SSH2: variants seen among roughly 807,000 people sequenced by gnomAD.
The protein encoded by SSH2 is protein phosphatase Slingshot homolog 2.
SSH2 carries 37 observed loss-of-function variants against 135.2 expected under a neutral mutation model. The observed-to-expected ratio is 0.27, with a 90% CI of 0.21 to 0.36. SSH2 has a LOEUF of 0.36. Ranked by LOEUF, SSH2 falls within the 10% of genes least tolerant of loss-of-function variation. SSH2 has a pLI of 1.00. For missense variants in SSH2, 1,408 were observed against 1,765.3 expected (o/e 0.80, Z 3.63); for synonymous variants, 628 against 646.2 (o/e 0.97, Z 0.43).
rs185441466 is a variant in SSH2, at chr17:29,703,056, G to A, written c.195C>T (p.Ser65=). The change falls in exon 4 of 16, where the codon AGC becomes AGT. Residue 65 remains serine (S), a synonymous_variant. Transcript: ENST00000540801. The part of the protein sequence containing the change: ...EECRSQPRSI[S]ESFLTVKGAA... ...CACCTTTGACAGTTAGAAAGCTCTCGCTGATGCTACAAGGAAAAAGTCAAA... is the reference window on the plus strand; with the variant it reads ...CACCTTTGACAGTTAGAAAGCTCTCACTGATGCTACAAGGAAAAAGTCAAA... The A allele has an allele frequency of 1.4e-4, 227 of 1,610,440 alleles. No homozygotes were observed. Among genetic ancestry groups the A allele is most frequent in the Middle Eastern group, 8.3e-4 (5 of 6,050 alleles).
chr17:29,677,759 G>A lies in SSH2; in HGVS notation c.480-18C>T. The A allele has an allele frequency of 1.9e-6, 3 of 1,605,650 alleles. No individual in the cohort carries two copies. The highest frequency in any genetic ancestry group is 2.2e-5 in the South Asian group (2 of 90,896). Reference sequence around the variant, plus strand: ...AAGTGCTACTGCAAGACAAGAAGTAGTCCAATAGTTACTCCCCATTACTCT... The same window carrying A: ...AAGTGCTACTGCAAGACAAGAAGTAATCCAATAGTTACTCCCCATTACTCT... On this transcript the variant is annotated intron_variant, in intron 6 of 15. Coordinates refer to ENST00000540801, the MANE Select transcript of SSH2 (RefSeq NM_001282129.2).
At chr17:29,880,912 T>C (rs1383734732) in intron 1 of SSH2, among the ~76,000 whole-genome samples, 1 of 152,186 alleles carries the variant, frequency 6.6e-6, no homozygotes, top group Non-Finnish European at 1.5e-5. Context: ...CCTGGCTCAG[T>C]TCAGGAGTCT....
At chr17:29,919,185 T>G (rs559852770) in intron 1 of SSH2, among the ~76,000 whole-genome samples, 1 of 152,150 alleles carries the variant, frequency 6.6e-6, no homozygotes, top group East Asian at 1.9e-4. Context: ...TTCCCAGCAG[T>G]GGTATAAATG....
intron 14 of SSH2, among the ~76,000 whole-genome samples, chr17:29,646,047 C>T (rs73280624): frequency 5.8e-4 from 88 of 152,192 alleles, no homozygotes; most frequent in Admixed American, 2.6e-3. Context: ...TGCTTCTAGA[C>T]AGCTGTGCCT....
intron 9 of SSH2, 133 bp from the exon 10 acceptor site, chr17:29,667,356 C>T: frequency 1.4e-6 from 1 of 694,446 alleles, no homozygotes; most frequent in Non-Finnish European, 2.4e-6. Context: ...TTCTAGAGAT[C>T]AACAACTTAG....
chr17:29,772,015 A>ATTTTTT (rs1217128399), intron 3 of SSH2, among the ~76,000 whole-genome samples: 9 of 152,196 alleles, frequency 5.9e-5, no homozygotes, highest in Non-Finnish European at 8.8e-5. Context: ...AAAACCAACA[A>ATTTTTT]GTATGCAAAA....
Position 29,908,182 on chromosome 17 carries a change from G to A in SSH2, c.63+21756C>T, listed in dbSNP as rs369044363. On this transcript the variant is annotated intron_variant, in intron 1 of 15. Coordinates refer to ENST00000540801, the MANE Select transcript of SSH2 (RefSeq NM_001282129.2). ...TTCACTAAACATTTCCCCAAGGCCA[G>A]GTAATCCATCTGTAATGATAGCACT... Among the ~76,000 whole-genome samples the A allele has an allele frequency of 3.3e-5, 5 of 152,036 alleles. No homozygotes were observed. In the East Asian group the frequency reaches 5.8e-4, roughly 18 times the overall value.
intron 11 of SSH2, among the ~76,000 whole-genome samples, chr17:29,660,076 C>T (rs981875744): frequency 1.3e-5 from 2 of 152,008 alleles, no homozygotes; most frequent in African/African-American, 4.8e-5. Context: ...GATCTGCCTG[C>T]CTTGGCCTCC....
intron 3 of SSH2, among the ~76,000 whole-genome samples, chr17:29,779,147 G>C (rs2041782278): frequency 6.6e-6 from 1 of 152,024 alleles, no homozygotes; most frequent in Non-Finnish European, 1.5e-5. Flanking sequence ...AGGAAGGCTG[G>C]CCAAATTTAA....
intron 3 of SSH2, among the ~76,000 whole-genome samples, chr17:29,743,095 C>T (rs1204274255): frequency 6.6e-6 from 1 of 152,028 alleles, no homozygotes; most frequent in Non-Finnish European, 1.5e-5. Context: ...CCACGCTGAA[C>T]TAATTTTTGT....
chr17:29,645,693 C>T (rs926130527), intron 14 of SSH2: 1 of 152,174 alleles, frequency 6.6e-6, no homozygotes, highest in Non-Finnish European at 1.5e-5. Context: ...ACTGCTACAT[C>T]CTACCTTCTG....
At chr17:29,878,761 G>A (rs921489767) in intron 1 of SSH2, among the ~76,000 whole-genome samples, 4 of 152,090 alleles carry the variant, frequency 2.6e-5, no homozygotes, top group African/African-American at 9.7e-5. Flanking sequence ...ATCCAGCTGT[G>A]CCCTACTAAA....
intron 1 of SSH2, among the ~76,000 whole-genome samples, chr17:29,889,136 A>C (rs1229487767): frequency 1.3e-5 from 2 of 152,056 alleles, no homozygotes; most frequent in Non-Finnish European, 2.9e-5. Context: ...GCCTAAATGT[A>C]AGAGAAAAAT....
At chr17:29,729,595 T>C (rs562234729) in intron 3 of SSH2, among the ~76,000 whole-genome samples, 1 of 152,310 alleles carries the variant, frequency 6.6e-6, no homozygotes, top group Non-Finnish European at 1.5e-5. Context: ...TCCATGTTCT[T>C]TGCAGCTCTA....
chr17:29,771,205 A>G (rs2041579024), intron 3 of SSH2, among the ~76,000 whole-genome samples: 1 of 152,230 alleles, frequency 6.6e-6, no homozygotes, highest in Admixed American at 6.5e-5. Flanking sequence ...TTTGTGGCAC[A>G]TAATGCATAT....
At chr17:29,738,715 G>A (rs984013342) in intron 3 of SSH2, among the ~76,000 whole-genome samples, 6 of 151,814 alleles carry the variant, frequency 4.0e-5, no homozygotes, top group Admixed American at 1.3e-4. Flanking sequence ...CACCATGCCC[G>A]GCTAATTTTT....
intron 1 of SSH2, among the ~76,000 whole-genome samples, chr17:29,898,204 T>A (rs1367389027): frequency 2.0e-5 from 3 of 151,596 alleles, no homozygotes; most frequent in Non-Finnish European, 4.4e-5. Context: ...CACCCTAACA[T>A]CACAATTAAA....
rs773812846 is a variant in SSH2 at position 29,707,528 on chromosome 17, A to ATT, written c.189-4468_189-4467dup. On this transcript the variant is annotated intron_variant, in intron 3 of 15. Transcript: ENST00000540801. ...GTACAAGGTAGGCCAACAGACTACT[A>ATT]TTTTTTTTTTTTTTTGAGATGGAGT... Among the ~76,000 whole-genome samples the ATT allele has an allele frequency of 8.3e-5, 12 of 144,050 alleles. No individual in the cohort carries two copies. In the East Asian group the frequency reaches 1.8e-3, roughly 22 times the overall value. 94.5% of individuals were successfully genotyped at this position (144,050 alleles called of 152,430 possible). A position where few individuals can be genotyped will look rare whatever the true frequency, so the allele number is the denominator to read the frequency against.
intron 11 of SSH2, among the ~76,000 whole-genome samples, chr17:29,664,856 A>C (rs2037206571): frequency 6.6e-6 from 1 of 152,142 alleles, no homozygotes; most frequent in African/African-American, 2.4e-5. Flanking sequence ...AAAATATACC[A>C]TTTGAGGAGT....
Sources: allele counts gnomAD v4.1 joint callset (sites outside exome capture counted in the v4.1 genomes callset), GRCh38; gene constraint gnomAD v4.1.1; transcripts MANE v1.5; gene names NCBI Gene and HGNC (gene_info 2026-07-23, HGNC 2026-07-21).